Variants in CDH4 observed in about 807,000 individuals in gnomAD.
CDH4 encodes cadherin-4.
In CDH4, 33 loss-of-function variants were observed where a neutral mutation model predicts 86.0. That is an observed-to-expected ratio of 0.38 (90% CI 0.29 to 0.51). The LOEUF is 0.51. CDH4 is among the 20% of genes least tolerant of loss of function. The pLI, the probability that CDH4 is intolerant of heterozygous loss-of-function variation, is 0.86. For synonymous variants in CDH4, 555 were observed against 549.4 expected, an observed-to-expected ratio of 1.01 and a Z score of -0.14; for missense variants, 1,114 against 1,307.4, an observed-to-expected ratio of 0.85 and a Z score of 2.28.
intron 2 of CDH4, among the ~76,000 whole-genome samples, chr20:61,523,104 G>C (rs1371220115): frequency 1.3e-5 from 2 of 152,216 alleles, no homozygotes; most frequent in Non-Finnish European, 2.9e-5. Flanking sequence ...GCTGTCCAGA[G>C]CTGGCCAGCA....
chr20:61,723,257 C>A (rs993107535), intron 2 of CDH4, among the ~76,000 whole-genome samples: 1 of 152,198 alleles, frequency 6.6e-6, no homozygotes, highest in Non-Finnish European at 1.5e-5. Context: ...GGTGGCTGCT[C>A]CCCTGCCCAA....
At chr20:61,632,556 G>C (rs2086899424) in intron 2 of CDH4, among the ~76,000 whole-genome samples, 1 of 151,956 alleles carries the variant, frequency 6.6e-6, no homozygotes, top group South Asian at 2.1e-4. Flanking sequence ...CTCCCGGGCT[G>C]GGTGGTCTCT....
Position 61,643,284 on chromosome 20 carries a change from A to G in CDH4, c.170-100279A>G, listed in dbSNP as rs1453055900. Among the ~76,000 whole-genome samples, 6 of 152,292 alleles carry G rather than the reference A, an allele frequency of 3.9e-5. No homozygotes were observed. In the East Asian group the frequency reaches 1.2e-3, roughly 29 times the overall value. Reference sequence around the variant, plus strand: ...AACGACCCCACCCCTGTGATAACCTATTAGTCTGTTAATCCACGAATGGCT... The same window carrying G: ...AACGACCCCACCCCTGTGATAACCTGTTAGTCTGTTAATCCACGAATGGCT... On this transcript the variant is annotated intron_variant, in intron 2 of 15. Coordinates refer to ENST00000614565, the MANE Select transcript of CDH4 (RefSeq NM_001794.5).
At chr20:61,848,202 C>T (rs1461996227) in intron 5 of CDH4, among the ~76,000 whole-genome samples, 4 of 152,194 alleles carry the variant, frequency 2.6e-5, no homozygotes, top group Non-Finnish European at 4.4e-5. Context: ...ACCACGGATG[C>T]ACTCAGGCCT....
At chr20:61,882,108 C>T (rs1185497017) in intron 7 of CDH4, among the ~76,000 whole-genome samples, 1 of 152,228 alleles carries the variant, frequency 6.6e-6, no homozygotes, top group Non-Finnish European at 1.5e-5. Flanking sequence ...CTCTGGCCTT[C>T]CGGACTGCTG....
intron 2 of CDH4, among the ~76,000 whole-genome samples, chr20:61,282,895 G>C (rs1274636616): frequency 6.6e-6 from 1 of 152,126 alleles, no homozygotes; most frequent in Non-Finnish European, 1.5e-5. Context: ...GCATTTGCAC[G>C]CGTGTGCTGT....
chr20:61,739,260 G>A (rs1272212793), intron 2 of CDH4, among the ~76,000 whole-genome samples: 1 of 152,156 alleles, frequency 6.6e-6, no homozygotes, highest in Non-Finnish European at 1.5e-5. Context: ...GAAGATTCTG[G>A]GCTGAGCACA....
At chr20:61,731,486 G>T (rs1319638245) in intron 2 of CDH4, among the ~76,000 whole-genome samples, 3 of 152,312 alleles carry the variant, frequency 2.0e-5, no homozygotes, top group Admixed American at 2.0e-4. Context: ...AGGGCCCATA[G>T]GGTGCACCTG....
At chr20:61,484,141 G>A (rs2145581880) in intron 2 of CDH4, among the ~76,000 whole-genome samples, 1 of 152,180 alleles carries the variant, frequency 6.6e-6, no homozygotes, top group East Asian at 1.9e-4. Context: ...CTGGGAAGCA[G>A]CATCACCTGC....
chr20:61,308,601 G>C (rs2084429536), intron 2 of CDH4, among the ~76,000 whole-genome samples: 1 of 152,322 alleles, frequency 6.6e-6, no homozygotes, highest in Admixed American at 6.5e-5. Context: ...GCCTGGGAGT[G>C]ATGGGAAATG....
At chr20:61,345,565 G>A (rs917780769) in intron 2 of CDH4, among the ~76,000 whole-genome samples, 3 of 152,208 alleles carry the variant, frequency 2.0e-5, no homozygotes, top group Admixed American at 6.5e-5. Context: ...AACGTAAGGA[G>A]CCCTACCTGG....
At chr20:61,856,421 A>C in intron 6 of CDH4, among the ~76,000 whole-genome samples, 2 of 84,038 alleles carry the variant, frequency 2.4e-5, no homozygotes, top group Non-Finnish European at 2.2e-5. Flanking sequence ...CGTGCCCCCC[A>C]CACTCTTCCC....
intron 4 of CDH4, among the ~76,000 whole-genome samples, chr20:61,836,381 C>T (rs1158855185): frequency 1.3e-5 from 2 of 152,210 alleles, no homozygotes; most frequent in South Asian, 4.1e-4. Flanking sequence ...CCGGGCAGAT[C>T]TGTGAGAACA....
At chr20:61,625,268 G>C (rs147123727) in intron 2 of CDH4, among the ~76,000 whole-genome samples, 1 of 152,162 alleles carries the variant, frequency 6.6e-6, no homozygotes, top group South Asian at 2.1e-4. Flanking sequence ...GGAGGGAGAG[G>C]CATTTTGACC....
At chr20:61,365,359 C>T (rs2084805713) in intron 2 of CDH4, among the ~76,000 whole-genome samples, 1 of 152,168 alleles carries the variant, frequency 6.6e-6, no homozygotes, top group Non-Finnish European at 1.5e-5. Flanking sequence ...CTGTTAGGAG[C>T]ATTCAAGAAC....
At chr20:61,745,619 CCTT>C (rs2088404792) in intron 3 of CDH4, among the ~76,000 whole-genome samples, 1 of 151,838 alleles carries the variant, frequency 6.6e-6, no homozygotes, top group African/African-American at 2.4e-5. Flanking sequence ...ATGTCATTTT[CCTT>C]CTTCCCTGAG....
chr20:61,643,516 G>A (rs554046316), intron 2 of CDH4, among the ~76,000 whole-genome samples: 31 of 152,352 alleles, frequency 2.0e-4, no homozygotes, highest in African/African-American at 6.7e-4. Context: ...AGAGGGAAAC[G>A]TGTGCACTAA....
At position 61,936,883 on chromosome 20, in the gene CDH4, C is replaced by T. The variant is rs1034077889; in HGVS notation, c.2691C>T (p.Asn897=). 18 of 1,603,712 alleles carry T rather than the reference C, an allele frequency of 1.1e-5. No individual in the cohort carries two copies. Among genetic ancestry groups the T allele is most frequent in the South Asian group, 3.3e-5 (3 of 89,816 alleles). Residue 897 remains asparagine (N), a synonymous_variant, in exon 16 of 16, where the codon AAC becomes AAT. Transcript: ENST00000614565. ...GGGACCAAGACTACGATTACCTCAA[C>T]GACTGGGGGCCCAGATTCAAGAAGC... ...SSGDQDYDYL[N]DWGPRFKKLA...
chr20:61,739,437 G>A (rs2088306177), intron 2 of CDH4, among the ~76,000 whole-genome samples: 1 of 152,198 alleles, frequency 6.6e-6, no homozygotes, highest in South Asian at 2.1e-4. Context: ...GGAGACACGG[G>A]AGGACATGGG....
Sources: gnomAD v4.1 joint callset for allele counts (sites outside exome capture counted in the v4.1 genomes callset) on GRCh38, gnomAD v4.1.1 for gene constraint, MANE v1.5 for transcripts, NCBI Gene and HGNC (gene_info 2026-07-23, HGNC 2026-07-21) for gene names.